ZMYND15: variants seen among roughly 807,000 people sequenced by gnomAD.
ZMYND15 encodes the protein zinc finger MYND domain-containing protein 15.
ZMYND15 carries 54 observed loss-of-function variants against 81.7 expected under a neutral mutation model. That is an observed-to-expected ratio of 0.66 (90% CI 0.53 to 0.83). The LOEUF is 0.83. Among genes scored for constraint, ZMYND15 ranks in the 40% least tolerant of loss-of-function variants. The probability of loss-of-function intolerance (pLI) is 0.00; values close to 1 mark genes in which losing one functional copy is unlikely to be tolerated. For missense variants in ZMYND15, 925 were observed against 973.5 expected, an observed-to-expected ratio of 0.95 and a Z score of 0.66; for synonymous variants, 399 against 387.0, an observed-to-expected ratio of 1.03 and a Z score of -0.36.
Position 4,743,506 on chromosome 17 carries a change from G to A in ZMYND15, c.1297+51G>A, listed in dbSNP as rs1174329238. ...GCCCCTTGGCCTAGAGGGAAGGACTGGGAAGAAGTTGTCTGGGTCCCAGAT... is the reference window on the plus strand; with the variant it reads ...GCCCCTTGGCCTAGAGGGAAGGACTAGGAAGAAGTTGTCTGGGTCCCAGAT... On this transcript the variant is annotated intron_variant, in intron 6 of 13. Coordinates refer to ENST00000433935, the MANE Select transcript of ZMYND15 (RefSeq NM_001136046.3). The surrounding 1 kb of genome is among the most constrained non-coding windows in gnomAD (Gnocchi z 4.3). 3.2e-5 allele frequency: 52 copies of A among 1,603,182 alleles called. No individual in the cohort carries two copies. The highest frequency in any genetic ancestry group is 4.3e-5 in the Non-Finnish European group (51 of 1,176,032).
In ZMYND15 at chr17:4,740,571, G is replaced by C. The variant is rs750351512; in HGVS notation, c.23G>C (p.Arg8Pro). Reference sequence around the variant, plus strand: ...GACATGGAGTTTGTGTCTGGATACCGGGATGAGTTCCTTGATTTCACTGCC... The same window carrying C: ...GACATGGAGTTTGTGTCTGGATACCCGGATGAGTTCCTTGATTTCACTGCC... MEFVSGYRDEFLDFTALL... is the reference protein window; with the variant it reads MEFVSGYPDEFLDFTALL... The change falls in exon 2 of 14, where the codon CGG (arginine) becomes CCG (proline). Residue 8 changes from arginine (R) to proline (P), a missense_variant. By Grantham distance (103) the Arg-to-Pro change is moderately radical (BLOSUM62 -2). Transcript: ENST00000433935. 6.2e-7 allele frequency: 1 copy of C among 1,603,936 alleles called. No individual in the cohort carries two copies.
Position 4,740,570 on chromosome 17 carries a change from C to G in ZMYND15, c.22C>G (p.Arg8Gly). MEFVSGY[R>G]DEFLDFTALL... ...AGACATGGAGTTTGTGTCTGGATACCGGGATGAGTTCCTTGATTTCACTGC... is the reference window on the plus strand; with the variant it reads ...AGACATGGAGTTTGTGTCTGGATACGGGGATGAGTTCCTTGATTTCACTGC... The change falls in exon 2 of 14, where the codon CGG (arginine) becomes GGG (glycine). Residue 8 changes from arginine (R) to glycine (G), a missense_variant. Coordinates refer to ENST00000433935, the MANE Select transcript of ZMYND15 (RefSeq NM_001136046.3). 2 of 1,602,586 alleles carry G rather than the reference C, an allele frequency of 1.2e-6. No individual in the cohort carries two copies. The highest frequency in any genetic ancestry group is 2.2e-5 in the South Asian group (2 of 90,138).
Position 4,742,019 on chromosome 17 carries a change from G to A in ZMYND15, c.932G>A (p.Arg311Gln), listed in dbSNP as rs369488222. ...PGFTFASLRA[R>Q]TCHVCHRHSF... ...TTCACCTTTGCTTCCCTTCGTGCTC[G>A]AACCTGCCATGTGTGTCACAGGCAC... Residue 311 changes from arginine to glutamine, a missense_variant, in exon 4 of 14, where the codon CGA (arginine) becomes CAA (glutamine). Transcript: ENST00000433935. The A allele has an allele frequency of 2.2e-5, 35 of 1,614,056 alleles. No individual in the cohort carries two copies. The highest frequency in any genetic ancestry group is 1.6e-4 in the African/African-American group (12 of 74,930).
Position 4,744,827 on chromosome 17 carries a change from A to G in ZMYND15, c.1838-43A>G. The G allele has an allele frequency of 6.2e-7, 1 of 1,614,080 alleles. No homozygotes were observed. Among genetic ancestry groups the G allele is most frequent in the Non-Finnish European group, 8.5e-7 (1 of 1,179,992 alleles). ...AGGCATGTGGGGAAGGTGGGAGAGA[A>G]GCCCACCGTGGGAGCCAGCTTCTCC... On this transcript the variant is annotated intron_variant, in intron 11 of 13. Transcript: ENST00000433935. The surrounding 1 kb of genome is among the most constrained non-coding windows in gnomAD (Gnocchi z 4.1).
At position 4,740,736 on chromosome 17, in the gene ZMYND15, C is replaced by A. The variant is rs1385453918; in HGVS notation, c.188C>A (p.Pro63His). ...DPALWVLHVL[P>H]NHSVGISLGQ... is the part of the protein sequence containing the mutation. ...GCCCTTTGGGTGCTCCATGTCCTGC[C>A]CAACCATAGTGTGGGCATCAGCCTG... Residue 63 changes from proline to histidine, a missense_variant, in exon 2 of 14, where the codon CCC (proline) becomes CAC (histidine). Physicochemically the swap from Pro to His is moderately conservative, Grantham distance 77. Coordinates refer to ENST00000433935, the MANE Select transcript of ZMYND15 (RefSeq NM_001136046.3). 1.2e-6 allele frequency: 2 copies of A among 1,609,296 alleles called. No individual in the cohort carries two copies. Among genetic ancestry groups the A allele is most frequent in the Admixed American group, 1.7e-5 (1 of 59,578 alleles).
intron 5 of ZMYND15, 25 bp downstream of exon 5, chr17:4,742,516 T>C (rs1689438901): frequency 2.5e-6 from 4 of 1,608,438 alleles, no homozygotes; most frequent in Non-Finnish European, 3.4e-6. Flanking sequence ...TCAGAATGGT[T>C]GGGGGAAACT....
chr17:4,742,251 G>A (rs1241849307), intron 4 of ZMYND15, 80 bp from the exon 5 acceptor site: 1 of 1,570,688 alleles, frequency 6.4e-7, no homozygotes, highest in East Asian at 2.2e-5. Context: ...AGTGACATAT[G>A]GGCAGCTGCT....
rs1019662288 is a variant in ZMYND15 at position 4,740,655 on chromosome 17, T to C, written c.107T>C (p.Leu36Pro). Residue 36 changes from leucine (L) to proline (P), a missense_variant, in exon 2 of 14, where the codon CTT (leucine) becomes CCT (proline). Transcript: ENST00000433935. ...VAERGAVGTS[L>P]EGRCRQLEAQ... ...GAGCGTGGAGCTGTAGGGACTAGCC[T>C]TGAGGGCCGCTGCCGGCAGCTGGAG... The C allele has an allele frequency of 3.7e-6, 6 of 1,614,090 alleles. No individual in the cohort carries two copies. Among genetic ancestry groups the C allele is most frequent in the Non-Finnish European group, 5.1e-6 (6 of 1,180,026 alleles).
chr17:4,742,289 C>T (rs758515990), intron 4 of ZMYND15, 42 bp from the exon 5 acceptor site: 1 of 1,607,078 alleles, frequency 6.2e-7, no homozygotes, highest in South Asian at 1.1e-5. Flanking sequence ...ACAGGACCTA[C>T]AGAGGTTAAC....
chr17:4,744,633 G>A lies in ZMYND15; in HGVS notation c.1692G>A (p.Leu564=). Residue 564 remains leucine (L), a synonymous_variant, in exon 11 of 14, where the codon CTG becomes CTA. Transcript: ENST00000433935. This position sits in a 1 kb window ranked among gnomAD's most constrained non-coding sequence, Gnocchi z 4.1. The stretch of plus-strand genomic sequence containing the variant: ...CTCCTGGGGCCCCTCAGGACAGCCT[G>A]GAGGTGTCTGTCCGGCCTGGTTCCG... The part of the protein sequence containing the change: ...EQHFTLQRDS[L]EVSVRPGSGI... 6.2e-7 allele frequency: 1 copy of A among 1,612,480 alleles called. No homozygotes were observed. Among genetic ancestry groups the A allele is most frequent in the South Asian group, 1.1e-5 (1 of 90,976 alleles).
rs1567700447 is a variant in ZMYND15, at chr17:4,745,749, C to CGCTCCCTGG, written c.2058-69_2058-68insCTCCCTGGG. On this transcript the variant is annotated intron_variant, in intron 13 of 13. Coordinates refer to ENST00000433935, the MANE Select transcript of ZMYND15 (RefSeq NM_001136046.3). The surrounding 1 kb of genome is among the most constrained non-coding windows in gnomAD (Gnocchi z 5.2). ...TCCCTGACCGCGCCCCTGGGAGCCC[C>CGCTCCCTGG]GACCCCTGGGAGCGCCGACCCCTGG... 7.4e-7 allele frequency: 1 copy of CGCTCCCTGG among 1,348,592 alleles called. No homozygotes were observed. Among genetic ancestry groups the CGCTCCCTGG allele is most frequent in the African/African-American group, 1.5e-5 (1 of 65,882 alleles). The allele number at this position is 1,348,592 out of a possible 1,614,324, so 83.5% of individuals were successfully genotyped here. A position where few individuals can be genotyped will look rare whatever the true frequency, so the allele number is the denominator to read the frequency against.
In ZMYND15 at chr17:4,743,843, T is replaced by A. The variant is rs373764048; in HGVS notation, c.1374T>A (p.Val458=). Residue 458 remains valine (V), a synonymous_variant, in exon 7 of 14, where the codon GTT becomes GTA. Transcript: ENST00000433935. This position sits in a 1 kb window ranked among gnomAD's most constrained non-coding sequence, Gnocchi z 4.3. ...PPVPPHPPRG[V]FGSWQDYYTW... is the part of the protein sequence containing the mutation. ...TGCCCCCACATCCACCCCGGGGTGT[T>A]TTTGGTGAGCTGGAGGGGCCCTGTG... is the stretch of plus-strand genomic sequence containing the variant. 1.8e-5 allele frequency: 29 copies of A among 1,613,450 alleles called. No individual in the cohort carries two copies. The African/African-American group carries it at 3.1e-4, about 17-fold the overall frequency.
Position 4,744,684 on chromosome 17 carries a change from C to T in ZMYND15, c.1743C>T (p.Gly581=), listed in dbSNP as rs1916585094. 6.2e-7 allele frequency: 1 copy of T among 1,613,834 alleles called. No homozygotes were observed. Among genetic ancestry groups the T allele is most frequent in the Admixed American group, 1.7e-5 (1 of 59,992 alleles). The change falls in exon 11 of 14, where the codon GGC becomes GGT. Residue 581 remains glycine (G), a synonymous_variant. Coordinates refer to ENST00000433935, the MANE Select transcript of ZMYND15 (RefSeq NM_001136046.3). The surrounding 1 kb of genome is among the most constrained non-coding windows in gnomAD (Gnocchi z 4.1). ...GCATATCAGCACGGCCCAGCTCTGG[C>T]ACTAAGGAGAAAGGGGGCCGCAGGG... is the stretch of plus-strand genomic sequence containing the variant. ...GSGISARPSS[G]TKEKGGRRDL...
Position 4,741,825 on chromosome 17 carries a change from A to G in ZMYND15, c.827+9A>G. ...GATGCCCGGCTGCATCGGTATAGAA[A>G]TCTGGTATCTGAGGCTGGGGAGGAC... On this transcript the variant is annotated intron_variant, in intron 3 of 13. Transcript: ENST00000433935. 6.3e-7 allele frequency: 1 copy of G among 1,575,782 alleles called. No individual in the cohort carries two copies. The highest frequency in any genetic ancestry group is 8.6e-7 in the Non-Finnish European group (1 of 1,159,422).
At chr17:4,741,848 G>T in intron 3 of ZMYND15, 32 bp downstream of exon 3, 1 of 1,583,666 alleles carries the variant, frequency 6.3e-7, no homozygotes, top group Non-Finnish European at 8.6e-7. Flanking sequence ...GGCTGGGGAG[G>T]ACTCGGGCCC....
intron 2 of ZMYND15, 42 bp from the exon 3 acceptor site, chr17:4,741,540 C>T: frequency 6.2e-7 from 1 of 1,608,734 alleles, no homozygotes; most frequent in South Asian, 1.1e-5. Context: ...ACATTTGTCT[C>T]TCGCTGCCCC....
Position 4,744,987 on chromosome 17 carries a change from C to G in ZMYND15, c.1896+59C>G. On this transcript the variant is annotated intron_variant, in intron 12 of 13. Transcript: ENST00000433935. This position sits in a 1 kb window ranked among gnomAD's most constrained non-coding sequence, Gnocchi z 4.1. ...CCTCCTGCCTGGCCCCTCCCCATCT[C>G]CTTTTCTGAAAGTCTCTGGGCTCTC... The G allele has an allele frequency of 6.2e-7, 1 of 1,607,878 alleles. No homozygotes were observed. The highest frequency in any genetic ancestry group is 8.5e-7 in the Non-Finnish European group (1 of 1,174,770).
rs761663698 is a variant in ZMYND15, at chr17:4,742,008, C to T, written c.921C>T (p.Ser307=). 1.2e-6 allele frequency: 2 copies of T among 1,614,192 alleles called. No individual in the cohort carries two copies. The highest frequency in any genetic ancestry group is 2.2e-5 in the East Asian group (1 of 44,888). ...WGPRPGFTFA[S]LRARTCHVCH... ...CCCGGCCAGGCTTCACCTTTGCTTC[C>T]CTTCGTGCTCGAACCTGCCATGTGT... Residue 307 remains serine, a synonymous_variant, in exon 4 of 14, where the codon TCC becomes TCT. Coordinates refer to ENST00000433935, the MANE Select transcript of ZMYND15 (RefSeq NM_001136046.3).
chr17:4,741,275 T>TG lies in ZMYND15; in HGVS notation c.592+139dup, dbSNP rs1916399355. 4 of 1,048,674 alleles carry TG rather than the reference T, an allele frequency of 3.8e-6. No homozygotes were observed. In the South Asian group the frequency reaches 7.7e-5, roughly 20 times the overall value. 65.0% of individuals were successfully genotyped at this position (1,048,674 alleles called of 1,614,324 possible). The stretch of plus-strand genomic sequence containing the variant: ...AAAAGGTGTTTTTATTGACCCACAG[T>TG]GGGGTTTTTTTTTTTAATTTAATGT... On this transcript the variant is annotated intron_variant, in intron 2 of 13. Coordinates refer to ENST00000433935, the MANE Select transcript of ZMYND15 (RefSeq NM_001136046.3).
Sources: allele counts gnomAD v4.1 joint callset, GRCh38; gene constraint gnomAD v4.1.1; non-coding constraint Gnocchi (gnomAD v3.1); transcripts MANE v1.5; gene names NCBI Gene and HGNC (gene_info 2026-07-23, HGNC 2026-07-21).